The following COL9A1 variants were observed in gnomAD, a reference collection of about 807,000 sequenced individuals.
COL9A1 encodes the protein collagen type IX alpha 1 chain, also known as collagen alpha-1(IX) chain.
A neutral mutation model predicts 142.6 loss-of-function variants in COL9A1; 104 were observed. The ratio of observed to expected loss-of-function variants is 0.73; its 90% CI spans 0.62 to 0.86. The LOEUF (loss-of-function observed/expected upper bound fraction) is 0.86. COL9A1 is among the 40% of genes least tolerant of loss of function. The probability of loss-of-function intolerance (pLI) is 0.00; values close to 1 mark genes in which losing one functional copy is unlikely to be tolerated. For missense variants in COL9A1, 1,210 were observed against 1,176.6 expected (o/e 1.03, Z -0.42); for synonymous variants, 466 against 396.0 (o/e 1.18, Z -2.10).
chr6:70,294,390 T>A lies in COL9A1; in HGVS notation c.473A>T (p.Lys158Met). The change falls in exon 5 of 38, where the codon AAG becomes ATG. Residue 158 changes from lysine (K) to methionine (M), a missense_variant. Lys to Met is a moderately conservative substitution (Grantham distance 95). Transcript: ENST00000357250. ...GQTQSVVFSYKGLDGSLQTAA... is the reference protein window; with the variant it reads ...GQTQSVVFSYMGLDGSLQTAA... ...TGTTTGGAGACTTCCATCCAGTCCC[T>A]TGTATGAAAATACAACAGATTGTGT... is the stretch of plus-strand genomic sequence containing the variant. 6.2e-7 allele frequency: 1 copy of A among 1,614,128 alleles called. No individual in the cohort carries two copies. The highest frequency in any genetic ancestry group is 8.5e-7 in the Non-Finnish European group (1 of 1,179,982).
intron 18 of COL9A1, 31 bp from the exon 19 acceptor site, chr6:70,263,328 A>G (rs375474823): frequency 2.5e-6 from 4 of 1,588,414 alleles, no homozygotes; most frequent in African/African-American, 2.7e-5. Flanking sequence ...AGAAAAGCAC[A>G]CCAAATGTTA....
chr6:70,229,184 A>G (rs150764710), intron 36 of COL9A1, among the ~76,000 whole-genome samples: 41 of 152,306 alleles, frequency 2.7e-4, no homozygotes, highest in African/African-American at 9.1e-4. Flanking sequence ...GCTCCAAAAC[A>G]GAGCCTATTC....
chr6:70,221,009 T>G (rs1344541600), intron 37 of COL9A1, among the ~76,000 whole-genome samples: 1 of 152,224 alleles, frequency 6.6e-6, no homozygotes, highest in Non-Finnish European at 1.5e-5. Context: ...GTAATATTTC[T>G]ATTGAAACAT....
At chr6:70,252,211 C>G in intron 27 of COL9A1, 38 bp from the exon 28 acceptor site, 1 of 1,614,074 alleles carries the variant, frequency 6.2e-7, no homozygotes, top group Non-Finnish European at 8.5e-7. Context: ...AAGTTAACAC[C>G]TACTGATTAC....
intron 28 of COL9A1, among the ~76,000 whole-genome samples, chr6:70,243,564 G>C (rs910850004): frequency 6.6e-6 from 1 of 151,516 alleles, no homozygotes; most frequent in African/African-American, 2.4e-5. Flanking sequence ...GTCTTTCTCT[G>C]TTGCCCAGGC....
intron 4 of COL9A1, among the ~76,000 whole-genome samples, chr6:70,295,341 CA>C (rs1178258098): frequency 8.0e-6 from 1 of 125,066 alleles, no homozygotes; most frequent in Admixed American, 1.1e-4. Flanking sequence ...GGCTGGAGTG[CA>C]ATGGCGCCAT....
chr6:70,254,498 T>A lies in COL9A1; in HGVS notation c.1697A>T (p.Asp566Val). 2.5e-6 allele frequency: 4 copies of A among 1,614,150 alleles called. No individual in the cohort carries two copies. The highest frequency in any genetic ancestry group is 2.5e-6 in the Non-Finnish European group (3 of 1,180,002). The change falls in exon 25 of 38, where the codon GAT becomes GTT. Residue 566 changes from aspartate to valine, a missense_variant. Physicochemically the swap from Asp to Val is radical, Grantham distance 152. Coordinates refer to ENST00000357250, the MANE Select transcript of COL9A1 (RefSeq NM_001851.6). ...GEPGKPGPPG[D>V]AGLQGLPGVP... Reference sequence around the variant, plus strand: ...TACTGGTAACCCCTGCAATCCTGCATCACCAGGAGGCCCAGGTTTTCCTGG... The same window carrying A: ...TACTGGTAACCCCTGCAATCCTGCAACACCAGGAGGCCCAGGTTTTCCTGG...
chr6:70,289,955 C>T (rs1033105985), intron 5 of COL9A1, among the ~76,000 whole-genome samples: 3 of 152,114 alleles, frequency 2.0e-5, no homozygotes, highest in Admixed American at 1.3e-4. Context: ...TTTCCAACAA[C>T]GGTTTTACCA....
intron 21 of COL9A1, among the ~76,000 whole-genome samples, chr6:70,256,561 A>G (rs186515456): frequency 2.4e-4 from 36 of 152,316 alleles, no homozygotes; most frequent in East Asian, 1.9e-4. Flanking sequence ...TAATCTATGA[A>G]GAAAAAAATC....
At chr6:70,229,943 T>C (rs1769447868) in intron 36 of COL9A1, among the ~76,000 whole-genome samples, 2 of 152,196 alleles carry the variant, frequency 1.3e-5, no homozygotes, top group African/African-American at 4.8e-5. Flanking sequence ...GACTAAGACA[T>C]AGGCTGAACT....
At chr6:70,278,553 G>A (rs569149261) in intron 10 of COL9A1, among the ~76,000 whole-genome samples, 1 of 152,256 alleles carries the variant, frequency 6.6e-6, no homozygotes, top group South Asian at 2.1e-4. Flanking sequence ...CTAAAATACT[G>A]GCAGATACAG....
chr6:70,268,192 C>T (rs1279793008), intron 17 of COL9A1, among the ~76,000 whole-genome samples: 1 of 151,806 alleles, frequency 6.6e-6, no homozygotes, highest in Non-Finnish European at 1.5e-5. Context: ...ACTGCCCCCA[C>T]CACTCACTAT....
intron 10 of COL9A1, among the ~76,000 whole-genome samples, chr6:70,278,982 A>T (rs547820170): frequency 2.0e-5 from 3 of 152,208 alleles, no homozygotes; most frequent in Non-Finnish European, 4.4e-5. Flanking sequence ...CTGACATTAT[A>T]TTGCAGTTTA....
intron 14 of COL9A1, among the ~76,000 whole-genome samples, chr6:70,271,203 A>C (rs1374160990): frequency 6.6e-6 from 1 of 152,242 alleles, no homozygotes; most frequent in Non-Finnish European, 1.5e-5. Context: ...TATCAATATG[A>C]AGCATTTTAT....
chr6:70,283,331 G>A (rs1299370957), intron 6 of COL9A1: 4 of 1,114,864 alleles, frequency 3.6e-6, no homozygotes, highest in African/African-American at 3.2e-5. Flanking sequence ...CCGCACAGGC[G>A]AGGACTGAGC....
At chr6:70,301,067 AAAG>A (rs1434598347) in intron 2 of COL9A1, among the ~76,000 whole-genome samples, 3 of 152,182 alleles carry the variant, frequency 2.0e-5, no homozygotes, top group East Asian at 3.8e-4. Context: ...GGAAGAGTAA[AAAG>A]AAGAAGAAAA....
chr6:70,215,182 A>C (rs1171198885), downstream of COL9A1: 1 of 152,134 alleles, frequency 6.6e-6, no homozygotes, highest in East Asian at 1.9e-4. Flanking sequence ...ATTTGAAAAA[A>C]GGGAAAGAAC....
At chr6:70,253,513 G>A in intron 25 of COL9A1, 84 bp from the exon 26 acceptor site, 1 of 952,534 alleles carries the variant, frequency 1.0e-6, no homozygotes, top group Non-Finnish European at 1.7e-6. Flanking sequence ...ACTGCAGGGA[G>A]GCTGAGGGAA....
intron 10 of COL9A1, 142 bp downstream of exon 10, chr6:70,280,670 C>T (rs1773090123): frequency 3.1e-6 from 4 of 1,296,596 alleles, no homozygotes; most frequent in Admixed American, 4.2e-5. Context: ...ATCAATCAGG[C>T]GCTGGCAGGA....
Sources: allele counts gnomAD v4.1 joint callset (sites outside exome capture counted in the v4.1 genomes callset), GRCh38; gene constraint gnomAD v4.1.1; transcripts MANE v1.5; gene names NCBI Gene and HGNC (gene_info 2026-07-23, HGNC 2026-07-21).